The following DAAM1 variants were observed in gnomAD, a reference collection of about 807,000 sequenced individuals.
DAAM1 encodes the protein dishevelled associated activator of morphogenesis 1.
A neutral mutation model predicts 130.0 loss-of-function variants in DAAM1; 52 were observed. The observed-to-expected ratio is 0.40, with a 90% confidence interval of 0.32 to 0.50. The LOEUF (loss-of-function observed/expected upper bound fraction) is 0.50, where lower values mean the gene tolerates loss of function less well. DAAM1 is among the 20% of genes least tolerant of loss of function. The pLI, the probability that DAAM1 is intolerant of heterozygous loss-of-function variation, is 0.61. For synonymous variants in DAAM1, 452 were observed against 444.5 expected, an observed-to-expected ratio of 1.02 and a Z score of -0.21; for missense variants, 1,134 against 1,303.8, an observed-to-expected ratio of 0.87 and a Z score of 2.01.
At chr14:59,228,905 C>G (rs1430279163) in intron 1 of DAAM1, among the ~76,000 whole-genome samples, 2 of 152,140 alleles carry the variant, frequency 1.3e-5, no homozygotes, top group Non-Finnish European at 2.9e-5. Flanking sequence ...AATGGATACT[C>G]TGTTTCCGTC....
chr14:59,241,573 T>C (rs938121571), intron 1 of DAAM1, among the ~76,000 whole-genome samples: 1 of 152,246 alleles, frequency 6.6e-6, no homozygotes, highest in African/African-American at 2.4e-5. Flanking sequence ...ATATTTCTTG[T>C]TATTTCTTCT....
At chr14:59,286,296 A>C (rs1883448895) in intron 2 of DAAM1, among the ~76,000 whole-genome samples, 1 of 152,126 alleles carries the variant, frequency 6.6e-6, no homozygotes, top group Non-Finnish European at 1.5e-5. Context: ...GGTTAAGAAG[A>C]AAGTCTGTTG....
rs181311207 is a variant in DAAM1, at chr14:59,254,657, A to G, written c.-37-8784A>G. Among the ~76,000 whole-genome samples the G allele has an allele frequency of 9.2e-5, 14 of 152,264 alleles. 1 individual carries two copies. The highest frequency in any genetic ancestry group is 5.8e-4 in the East Asian group (3 of 5,172). On this transcript the variant is annotated intron_variant, in intron 1 of 24. Transcript: ENST00000360909. ...ACTTTGGGTTTGGCTCCTCTCCCAG[A>G]TGATCTAGACGAGATGTCTTGGCTT...
At chr14:59,364,970 T>A (rs1359685326) in intron 23 of DAAM1, among the ~76,000 whole-genome samples, 1 of 152,160 alleles carries the variant, frequency 6.6e-6, no homozygotes, top group Non-Finnish European at 1.5e-5. Context: ...GAGTTTGTGC[T>A]TCATAAAGGA....
chr14:59,308,564 G>C (rs1478539938), intron 3 of DAAM1, among the ~76,000 whole-genome samples: 1 of 152,078 alleles, frequency 6.6e-6, no homozygotes, highest in Non-Finnish European at 1.5e-5. Flanking sequence ...TGGACCTCTG[G>C]AAGCCTTCTC....
chr14:59,354,457 C>T (rs923206974), intron 19 of DAAM1, among the ~76,000 whole-genome samples: 2 of 152,132 alleles, frequency 1.3e-5, no homozygotes, highest in Admixed American at 6.5e-5. Context: ...GCCCTAGTCT[C>T]GGAGCTCACA....
rs1253436065 is a variant in DAAM1 at position 59,194,830 on chromosome 14, G to T, written c.-38+6062G>T. Among the ~76,000 whole-genome samples the T allele has an allele frequency of 2.0e-5, 3 of 152,348 alleles. No individual in the cohort carries two copies. In the East Asian group the frequency reaches 5.8e-4, roughly 29 times the overall value. On this transcript the variant is annotated intron_variant, in intron 1 of 24. Transcript: ENST00000360909. ...TCTTTTAAACCATAGCCACAGTTGT[G>T]AATTAAATGGGGAAAACCAGGGAAG...
At chr14:59,251,216 C>T (rs1881625728) in intron 1 of DAAM1, among the ~76,000 whole-genome samples, 1 of 152,188 alleles carries the variant, frequency 6.6e-6, no homozygotes. Flanking sequence ...GTTGATACAT[C>T]TTGGTGCCTG....
chr14:59,263,889 G>C, intron 2 of DAAM1: 2 of 577,882 alleles, frequency 3.5e-6, no homozygotes, highest in Admixed American at 2.9e-5. Context: ...CTTTAAGTGG[G>C]TGGAGGGATT....
intron 1 of DAAM1, among the ~76,000 whole-genome samples, chr14:59,251,314 T>C (rs1386461761): frequency 2.6e-5 from 4 of 152,154 alleles, no homozygotes; most frequent in Non-Finnish European, 4.4e-5. Context: ...ATTAAAATAA[T>C]AACAGACACT....
chr14:59,196,659 C>T (rs112762010), intron 1 of DAAM1, among the ~76,000 whole-genome samples: 7,832 of 151,938 alleles, frequency 0.052, 672 homozygotes, highest in African/African-American at 0.18. Context: ...AGGAGAATGG[C>T]GTGAACCCGG....
intron 1 of DAAM1, among the ~76,000 whole-genome samples, chr14:59,258,224 G>T (rs1594783955): frequency 1.3e-5 from 2 of 152,268 alleles, no homozygotes; most frequent in South Asian, 4.1e-4. Flanking sequence ...TGATGGGCTG[G>T]GGCAGCTGTT....
intron 19 of DAAM1, among the ~76,000 whole-genome samples, 197 bp downstream of exon 19, chr14:59,354,161 T>C (rs534823217): frequency 2.0e-4 from 30 of 151,922 alleles, no homozygotes; most frequent in Admixed American, 5.9e-4. Context: ...CCCAGGTTCA[T>C]GCCATTCTCC....
chr14:59,198,280 A>G (rs1274717446), intron 1 of DAAM1, among the ~76,000 whole-genome samples: 1 of 146,218 alleles, frequency 6.8e-6, no homozygotes, highest in East Asian at 2.0e-4. Context: ...ATCTTGGCTC[A>G]CTGCAACCTC....
chr14:59,333,558 C>T (rs1469784300), intron 15 of DAAM1, among the ~76,000 whole-genome samples: 1 of 152,216 alleles, frequency 6.6e-6, no homozygotes, highest in South Asian at 2.1e-4. Flanking sequence ...TCCATTTTAG[C>T]AAATTTCCTG....
intron 15 of DAAM1, among the ~76,000 whole-genome samples, chr14:59,335,717 C>T (rs6573252): frequency 0.66 from 100,500 of 151,772 alleles, 34,432 homozygotes; most frequent in African/African-American, 0.82. Flanking sequence ...TGTAAAACTT[C>T]TCAAAGCCTC....
Position 59,363,757 on chromosome 14 carries a change from A to T in DAAM1, c.2801A>T (p.Asp934Val). Residue 934 changes from aspartate (D) to valine (V), a missense_variant, in exon 23 of 25, where the codon GAC becomes GTC. Physicochemically the swap from Asp to Val is radical, Grantham distance 152. Around this residue, in one of 3 missense-constraint regions of DAAM1, gnomAD observed 644 missense variants for 695.9 expected, o/e 0.93. Transcript: ENST00000360909. ...AGCTTCAGCTTCTCTGATGTTGAAG[A>T]CCTTCTAGCAGAAGCTAAAGACCTG... ...VASFSFSDVE[D>V]LLAEAKDLFT... 1.9e-6 allele frequency: 3 copies of T among 1,614,036 alleles called. No individual in the cohort carries two copies. Among genetic ancestry groups the T allele is most frequent in the Non-Finnish European group, 2.5e-6 (3 of 1,179,970 alleles).
At chr14:59,354,119 A>G (rs950648325) in intron 19 of DAAM1, among the ~76,000 whole-genome samples, 155 bp downstream of exon 19, 16 of 149,456 alleles carry the variant, frequency 1.1e-4, no homozygotes, top group East Asian at 2.0e-4. Context: ...GGAGTGCAGT[A>G]GCGCGATCTT....
At position 59,369,098 on chromosome 14, in the gene DAAM1, TCCAAAA is replaced by T; in HGVS notation, c.*242_*247del. The T allele has an allele frequency of 2.3e-6, 1 of 436,652 alleles. No homozygotes were observed. The highest frequency in any genetic ancestry group is 4.1e-6 in the Non-Finnish European group (1 of 244,644). 27.0% of individuals were successfully genotyped at this position (436,652 alleles called of 1,614,324 possible). Reference sequence around the variant, plus strand: ...AAAAGATTTATGTTAATGTATGTGCTCCAAAACCTTTCGTGTATGCATTCACATTGA... The same window carrying T: ...AAAAGATTTATGTTAATGTATGTGCTCCTTTCGTGTATGCATTCACATTGA... On this transcript the variant is annotated 3_prime_UTR_variant, in exon 25 of 25. Coordinates refer to ENST00000360909, the MANE Select transcript of DAAM1 (RefSeq NM_001270520.2).
Sources: gnomAD v4.1 joint callset for allele counts (sites outside exome capture counted in the v4.1 genomes callset) on GRCh38, gnomAD v4.1.1 for gene constraint, gnomAD v4.1.1 regional missense constraint, MANE v1.5 for transcripts, NCBI Gene and HGNC (gene_info 2026-07-23, HGNC 2026-07-21) for gene names.